The following FER1L5 variants were observed in gnomAD, a reference collection of about 807,000 sequenced individuals.
The protein encoded by FER1L5 is fer-1 like family member 5.
Under a neutral mutation model 279.9 loss-of-function variants are expected in FER1L5, and 187 were observed. That is an observed-to-expected ratio of 0.67 (90% CI 0.59 to 0.75). The LOEUF is 0.75. Ranked by LOEUF, FER1L5 falls within the 30% of genes least tolerant of loss-of-function variation. FER1L5 has a pLI of 0.00. For missense variants in FER1L5, 2,091 were observed against 2,594.4 expected, an observed-to-expected ratio of 0.81 and a Z score of 4.21; for synonymous variants, 921 against 989.7, an observed-to-expected ratio of 0.93 and a Z score of 1.30.
Position 96,668,928 on chromosome 2 carries a change from G to A in FER1L5, c.1227G>A (p.Leu409=). 1 of 1,551,622 alleles carries A rather than the reference G, an allele frequency of 6.4e-7. No individual in the cohort carries two copies. The highest frequency in any genetic ancestry group is 8.7e-7 in the Non-Finnish European group (1 of 1,146,974). The part of the protein sequence containing the change: ...DCPDEIGTAS[L]SLNQISSTGE... ...CGGATGAGATTGGGACTGCCAGCCT[G>A]TCCCTCAACCAGATCTCGTCCACCG... is the stretch of plus-strand genomic sequence containing the variant. The change falls in exon 16 of 53, where the codon CTG becomes CTA. Residue 409 remains leucine (L), a synonymous_variant. Transcript: ENST00000624922.
In FER1L5 at chr2:96,652,206, A is replaced by T; in HGVS notation, c.633+186A>T. On this transcript the variant is annotated intron_variant, in intron 7 of 52. Coordinates refer to ENST00000624922, the MANE Select transcript of FER1L5 (RefSeq NM_001293083.2). ...AGTATAACTCAGAGCCCTGTATCTG[A>T]GGAGCTGGTGGGCTGGTGGGGGCAC... 1.1e-5 allele frequency: 9 copies of T among 805,474 alleles called. No individual in the cohort carries two copies. The South Asian group carries it at 1.6e-4, about 15-fold the overall frequency. The allele number at this position is 805,474 out of a possible 1,614,324, so 49.9% of individuals were successfully genotyped here.
intron 37 of FER1L5, among the ~76,000 whole-genome samples, chr2:96,697,322 A>G (rs914163113): frequency 6.6e-6 from 1 of 152,148 alleles, no homozygotes; most frequent in Non-Finnish European, 1.5e-5. Context: ...GTCTGCAGCT[A>G]TGGGCAATGA....
chr2:96,694,154 C>A lies in FER1L5; in HGVS notation c.3636+82C>A, dbSNP rs2077268900. The A allele has an allele frequency of 6.8e-7, 1 of 1,465,446 alleles. No individual in the cohort carries two copies. Among genetic ancestry groups the A allele is most frequent in the Admixed American group, 2.3e-5 (1 of 43,648 alleles). The allele number at this position is 1,465,446 out of a possible 1,614,324, so 90.8% of individuals were successfully genotyped here. On this transcript the variant is annotated intron_variant, in intron 33 of 52. Coordinates refer to ENST00000624922, the MANE Select transcript of FER1L5 (RefSeq NM_001293083.2). The surrounding 1 kb of genome is among the most constrained non-coding windows in gnomAD (Gnocchi z 4.6). ...CACCCCCAGCCAGCGGGGGCCAACT[C>A]CACCCTGTCAGGAAATGCCTGGGGC...
chr2:96,661,736 G>C lies in FER1L5; in HGVS notation c.963G>C (p.Pro321=). Residue 321 remains proline, a synonymous_variant, in exon 12 of 53, where the codon CCG becomes CCC. Coordinates refer to ENST00000624922, the MANE Select transcript of FER1L5 (RefSeq NM_001293083.2). ...AGATCTTCAAGTCAGCGGTAGTCCC[G>C]ATCAACATGGCTTACTTACAGCTCT... is the stretch of plus-strand genomic sequence containing the variant. ...DIQIFKSAVV[P]INMAYLQLFI... 1 of 1,551,670 alleles carries C rather than the reference G, an allele frequency of 6.4e-7. No homozygotes were observed.
chr2:96,702,520 G>A lies in FER1L5; in HGVS notation c.5256-80G>A, dbSNP rs2077623498. 1 of 1,549,484 alleles carries A rather than the reference G, an allele frequency of 6.5e-7. No individual in the cohort carries two copies. The highest frequency in any genetic ancestry group is 2.0e-5 in the Admixed American group (1 of 50,968). ...CATCCAGCTCTGCCTGGCGTCGGCT[G>A]GGCAGCCCTTCCCATGGGGCTCCAG... is the stretch of plus-strand genomic sequence containing the variant. On this transcript the variant is annotated intron_variant, in intron 47 of 52. Transcript: ENST00000624922. The surrounding 1 kb of genome is among the most constrained non-coding windows in gnomAD (Gnocchi z 4.0).
Position 96,698,593 on chromosome 2 carries a change from G to A in FER1L5, c.4357-78G>A. 1.6e-6 allele frequency: 2 copies of A among 1,256,004 alleles called. No homozygotes were observed. Among genetic ancestry groups the A allele is most frequent in the South Asian group, 2.8e-5 (2 of 72,348 alleles). The allele number at this position is 1,256,004 out of a possible 1,614,324, so 77.8% of individuals were successfully genotyped here. A position where few individuals can be genotyped will look rare whatever the true frequency, so the allele number is the denominator to read the frequency against. On this transcript the variant is annotated intron_variant, in intron 40 of 52. Transcript: ENST00000624922. The surrounding 1 kb of genome is among the most constrained non-coding windows in gnomAD (Gnocchi z 5.5). ...CCAACCCTCTCTCTCCTGAACATGG[G>A]CTGGGGCACCTCCCAGAGGGCTTTA... is the stretch of plus-strand genomic sequence containing the variant.
intron 42 of FER1L5, 133 bp from the exon 43 acceptor site, chr2:96,699,417 A>G: frequency 9.2e-7 from 1 of 1,082,650 alleles, no homozygotes; most frequent in Non-Finnish European, 1.3e-6. Flanking sequence ...GGCAGAAGGC[A>G]GCCTACCCCA....
intron 24 of FER1L5, among the ~76,000 whole-genome samples, chr2:96,688,457 C>T (rs2077017398): frequency 6.6e-6 from 1 of 152,072 alleles, no homozygotes; most frequent in East Asian, 1.9e-4. Flanking sequence ...AACCATCAAC[C>T]TGGGGAGTGG....
intron 19 of FER1L5, among the ~76,000 whole-genome samples, chr2:96,679,662 T>G (rs533177975): frequency 6.6e-6 from 1 of 152,380 alleles, no homozygotes; most frequent in East Asian, 1.9e-4. Flanking sequence ...CTAGGTTACA[T>G]GTTAAAATAC....
chr2:96,688,746 C>T (rs2077029004), intron 24 of FER1L5, among the ~76,000 whole-genome samples: 1 of 152,034 alleles, frequency 6.6e-6, no homozygotes, highest in South Asian at 2.1e-4. Context: ...GGCCTGCATG[C>T]TCAGCGGGCA....
In FER1L5 at chr2:96,689,628, G is replaced by C; in HGVS notation, c.2526-16G>C. On this transcript the variant is annotated splice_polypyrimidine_tract_variant and intron_variant, in intron 25 of 52. Coordinates refer to ENST00000624922, the MANE Select transcript of FER1L5 (RefSeq NM_001293083.2). The surrounding 1 kb of genome is among the most constrained non-coding windows in gnomAD (Gnocchi z 4.6). The stretch of plus-strand genomic sequence containing the variant: ...TGGGGAGTTGTGCTGGGAACTTGGG[G>C]TCTCATTACCCCCAGGCTCCTCCTG... 6.5e-7 allele frequency: 1 copy of C among 1,548,684 alleles called. No individual in the cohort carries two copies. Among genetic ancestry groups the C allele is most frequent in the Non-Finnish European group, 8.7e-7 (1 of 1,144,820 alleles).
chr2:96,659,404 T>TC lies in FER1L5; in HGVS notation c.748-936dup, dbSNP rs2075809517. On this transcript the variant is annotated intron_variant, in intron 9 of 52. Transcript: ENST00000624922. ...TTCTTTCTTTCTTTCTTTCTTTCTT[T>TC]CTTTCTTTCTTTCTTTCTTTCTTTC... is the stretch of plus-strand genomic sequence containing the variant. Among the ~76,000 whole-genome samples, 52 of 5,674 alleles carry TC rather than the reference T, an allele frequency of 9.2e-3. 1 individual carries two copies. Among genetic ancestry groups the TC allele is most frequent in the Middle Eastern group, 0.056 (1 of 18 alleles). The allele number at this position is 5,674 out of a possible 152,430, so 3.7% of individuals were successfully genotyped here. A position where few individuals can be genotyped will look rare whatever the true frequency, so the allele number is the denominator to read the frequency against.
At chr2:96,678,820 G>A (rs1304043310) in intron 19 of FER1L5, among the ~76,000 whole-genome samples, 2 of 152,222 alleles carry the variant, frequency 1.3e-5, no homozygotes, top group East Asian at 3.9e-4. Flanking sequence ...AAATTGCATT[G>A]TTTCTCTTAT....
intron 9 of FER1L5, 126 bp downstream of exon 9, chr2:96,654,622 G>T (rs1412524108): frequency 5.2e-6 from 2 of 387,354 alleles, no homozygotes; most frequent in South Asian, 1.4e-4. Flanking sequence ...AGACTTGGCC[G>T]GGTGCAGTGG....
In FER1L5 at chr2:96,691,522, G is replaced by C; in HGVS notation, c.2985G>C (p.Gln995His). The C allele has an allele frequency of 6.4e-7, 1 of 1,550,412 alleles. No homozygotes were observed. The part of the protein sequence containing the change: ...GSKFHLNPQP[Q>H]SRFRRRCWRR... ...AGTTCCACCTCAACCCTCAGCCCCA[G>C]AGCCGGTTCCGCCGCCGCTGCTGGC... Residue 995 changes from glutamine to histidine, a missense_variant, in exon 29 of 53, where the codon CAG becomes CAC. By Grantham distance (24) the Gln-to-His change is conservative. Coordinates refer to ENST00000624922, the MANE Select transcript of FER1L5 (RefSeq NM_001293083.2). The surrounding 1 kb of genome is among the most constrained non-coding windows in gnomAD (Gnocchi z 6.0).
intron 42 of FER1L5, 141 bp downstream of exon 42, chr2:96,699,277 A>G: frequency 2.2e-6 from 2 of 923,172 alleles, no homozygotes; most frequent in South Asian, 1.6e-5. Context: ...CCTGGTGCTC[A>G]ACAGATAGAA....
At chr2:96,651,243 CTTTCTT>C (rs2075353904) in intron 6 of FER1L5, among the ~76,000 whole-genome samples, 3 of 62,140 alleles carry the variant, frequency 4.8e-5, no homozygotes, top group African/African-American at 1.1e-4. Context: ...CTTTCTCTTT[CTTTCTT>C]TCTTTCTTTC....
rs1217753917 is a variant in FER1L5 at position 96,694,425 on chromosome 2, C to T, written c.3702C>T (p.Pro1234=). The T allele has an allele frequency of 6.5e-7, 1 of 1,549,628 alleles. No individual in the cohort carries two copies. Among genetic ancestry groups the T allele is most frequent in the Non-Finnish European group, 8.7e-7 (1 of 1,145,806 alleles). Residue 1234 remains proline, a synonymous_variant, in exon 34 of 53, where the codon CCC becomes CCT. Coordinates refer to ENST00000624922, the MANE Select transcript of FER1L5 (RefSeq NM_001293083.2). This position sits in a 1 kb window ranked among gnomAD's most constrained non-coding sequence, Gnocchi z 4.6. ...GGAAGAATGGGGCATACACACTCCC[C>T]AAGAGCATCCAGCCCACGATAAAGA... is the stretch of plus-strand genomic sequence containing the variant. ...VPWKNGAYTL[P]KSIQPTIKRM... is the part of the protein sequence containing the mutation.
chr2:96,673,875 G>A (rs2076417543), intron 19 of FER1L5, among the ~76,000 whole-genome samples: 1 of 152,104 alleles, frequency 6.6e-6, no homozygotes, highest in Non-Finnish European at 1.5e-5. Flanking sequence ...CAGGTGACTG[G>A]GGTGCATGCT....
Sources: allele counts gnomAD v4.1 joint callset (sites outside exome capture counted in the v4.1 genomes callset), GRCh38; gene constraint gnomAD v4.1.1; non-coding constraint Gnocchi (gnomAD v3.1); transcripts MANE v1.5; gene names NCBI Gene and HGNC (gene_info 2026-07-23, HGNC 2026-07-21).